CBLN2: variants seen among roughly 807,000 people sequenced by gnomAD.
CBLN2 encodes the protein cerebellin 2 precursor.
CBLN2 carries 7 observed loss-of-function variants against 15.0 expected under a neutral mutation model. The ratio of observed to expected loss-of-function variants is 0.47; its 90% CI spans 0.27 to 0.88. The LOEUF is 0.88. Ranked by LOEUF, CBLN2 falls within the 40% of genes least tolerant of loss-of-function variation. The probability of loss-of-function intolerance (pLI) is 0.14; values close to 1 mark genes in which losing one functional copy is unlikely to be tolerated. For synonymous variants in CBLN2, 149 were observed against 135.2 expected (o/e 1.10, Z -0.71); for missense variants, 242 against 304.5 (o/e 0.79, Z 1.53).
At chr18:72,598,020 C>T (rs1219004910) in intron 1 of CBLN2, among the ~76,000 whole-genome samples, 1 of 152,194 alleles carries the variant, frequency 6.6e-6, no homozygotes, top group Admixed American at 6.5e-5. Context: ...CAGCTGCCCA[C>T]TTTGTGCTCT....
At chr18:72,606,937 T>C (rs1199802065) in intron 1 of CBLN2, among the ~76,000 whole-genome samples, 3 of 152,220 alleles carry the variant, frequency 2.0e-5, no homozygotes, top group Non-Finnish European at 4.4e-5. Flanking sequence ...GAGGTAGAAT[T>C]GTATCCCTGT....
At chr18:72,598,961 C>A (rs1360595168) in intron 1 of CBLN2, among the ~76,000 whole-genome samples, 1 of 152,182 alleles carries the variant, frequency 6.6e-6, no homozygotes, top group Non-Finnish European at 1.5e-5. Flanking sequence ...TTCAAGGCTG[C>A]CTTTCCTACC....
intron 1 of CBLN2, among the ~76,000 whole-genome samples, chr18:72,592,871 G>T (rs548157089): frequency 4.6e-5 from 7 of 151,970 alleles, no homozygotes; most frequent in African/African-American, 9.7e-5. Context: ...TACCACTACC[G>T]TGTTGTTTTG....
intron 1 of CBLN2, among the ~76,000 whole-genome samples, chr18:72,586,086 G>A (rs560437083): frequency 2.8e-4 from 43 of 152,280 alleles, no homozygotes; most frequent in African/African-American, 7.7e-4. Context: ...CTGGGAGGGC[G>A]GGGCTCCCAA....
intron 1 of CBLN2, among the ~76,000 whole-genome samples, chr18:72,624,040 C>T (rs913286274): frequency 6.6e-6 from 1 of 152,102 alleles, no homozygotes; most frequent in African/African-American, 2.4e-5. Flanking sequence ...AAGAGCCTTT[C>T]AGTGATTATT....
chr18:72,552,624 G>C (rs1184328299), intron 1 of CBLN2: 1 of 152,090 alleles, frequency 6.6e-6, no homozygotes, highest in East Asian at 1.9e-4. Flanking sequence ...CACAAAAGAT[G>C]TTGAGATGCT....
At chr18:72,622,385 G>A (rs531621421) in intron 1 of CBLN2, among the ~76,000 whole-genome samples, 1 of 151,796 alleles carries the variant, frequency 6.6e-6, no homozygotes, top group East Asian at 1.9e-4. Context: ...TTGACTTTCT[G>A]GGGCCAATGC....
intron 1 of CBLN2, among the ~76,000 whole-genome samples, chr18:72,610,127 G>T (rs2069612186): frequency 6.6e-6 from 1 of 152,080 alleles, no homozygotes; most frequent in African/African-American, 2.4e-5. Context: ...CTTTCTTTTA[G>T]AAATAAATGA....
intron 1 of CBLN2, among the ~76,000 whole-genome samples, chr18:72,605,578 C>T (rs1334808275): frequency 1.3e-5 from 2 of 152,156 alleles, no homozygotes; most frequent in Non-Finnish European, 2.9e-5. Flanking sequence ...ACTGACATAG[C>T]TGGTGACAAG....
intron 1 of CBLN2, among the ~76,000 whole-genome samples, chr18:72,570,339 G>A (rs1310359511): frequency 2.0e-5 from 3 of 146,402 alleles, no homozygotes; most frequent in Non-Finnish European, 4.5e-5. Context: ...CTGGGCTCAG[G>A]CAATATGCCC....
At chr18:72,540,879 G>T (rs750126344) in intron 3 of CBLN2, among the ~76,000 whole-genome samples, 1 of 152,168 alleles carries the variant, frequency 6.6e-6, no homozygotes, top group Non-Finnish European at 1.5e-5. Flanking sequence ...GCCCCATTCC[G>T]TGGGAAACAC....
chr18:72,570,725 C>G (rs2069327156), intron 1 of CBLN2, among the ~76,000 whole-genome samples: 1 of 152,122 alleles, frequency 6.6e-6, no homozygotes, highest in Admixed American at 6.5e-5. Context: ...TTTCATGAAA[C>G]TCATGACACA....
intron 1 of CBLN2, among the ~76,000 whole-genome samples, chr18:72,615,260 T>A (rs1490622709): frequency 8.3e-6 from 1 of 120,494 alleles, no homozygotes; most frequent in South Asian, 2.4e-4. Flanking sequence ...TATTTATATA[T>A]GTATATATTA....
chr18:72,630,687 C>T (rs2069770388), intron 1 of CBLN2, among the ~76,000 whole-genome samples: 1 of 151,838 alleles, frequency 6.6e-6, no homozygotes, highest in Non-Finnish European at 1.5e-5. Context: ...AACATGAAAC[C>T]TCTTGATTTG....
intron 1 of CBLN2, among the ~76,000 whole-genome samples, chr18:72,617,600 C>T (rs1487673689): frequency 3.9e-5 from 6 of 152,084 alleles, no homozygotes; most frequent in Admixed American, 6.5e-5. Context: ...CATTTTGCCT[C>T]GCATGTTTTA....
At chr18:72,608,780 G>A (rs144110530) in intron 1 of CBLN2, among the ~76,000 whole-genome samples, 1 of 152,252 alleles carries the variant, frequency 6.6e-6, no homozygotes, top group African/African-American at 2.4e-5. Flanking sequence ...ATCTGAAACT[G>A]GGTAACCTAT....
chr18:72,591,251 A>C (rs567335817), intron 1 of CBLN2, among the ~76,000 whole-genome samples: 6 of 152,220 alleles, frequency 3.9e-5, no homozygotes, highest in Non-Finnish European at 8.8e-5. Flanking sequence ...CAATTAATTT[A>C]AAGTGATAAA....
chr18:72,598,011 A>G (rs1045986573), intron 1 of CBLN2, among the ~76,000 whole-genome samples: 2 of 152,184 alleles, frequency 1.3e-5, no homozygotes, highest in Non-Finnish European at 2.9e-5. Flanking sequence ...TGCAGATCCC[A>G]GCTGCCCACT....
intron 1 of CBLN2, among the ~76,000 whole-genome samples, chr18:72,617,613 T>A (rs1323713681): frequency 6.6e-6 from 1 of 152,194 alleles, no homozygotes; most frequent in Admixed American, 6.5e-5. Context: ...ATGTTTTACA[T>A]GATATAGAAA....
Sources: allele counts gnomAD v4.1 joint callset (sites outside exome capture counted in the v4.1 genomes callset), GRCh38; gene constraint gnomAD v4.1.1; transcripts MANE v1.5; gene names NCBI Gene and HGNC (gene_info 2026-07-23, HGNC 2026-07-21).